FAM210A: variants seen among roughly 807,000 people sequenced by gnomAD.
FAM210A encodes mitochondrial inner membrane scaffold 1.
A neutral mutation model predicts 25.3 loss-of-function variants in FAM210A; 13 were observed. The ratio of observed to expected loss-of-function variants is 0.51; its 90% CI spans 0.33 to 0.82. The LOEUF (loss-of-function observed/expected upper bound fraction) is 0.82. FAM210A is among the 40% of genes least tolerant of loss of function. FAM210A has a pLI of 0.02. For missense variants in FAM210A, 319 were observed against 323.2 expected, an observed-to-expected ratio of 0.99 and a Z score of 0.10; for synonymous variants, 125 against 118.7, an observed-to-expected ratio of 1.05 and a Z score of -0.35.
At chr18:13,706,160 A>G (rs2043776394) in intron 1 of FAM210A, among the ~76,000 whole-genome samples, 2 of 152,142 alleles carry the variant, frequency 1.3e-5, no homozygotes, top group African/African-American at 2.4e-5. Flanking sequence ...TCCCTCCACA[A>G]TCTTGGAACT....
intron 2 of FAM210A, among the ~76,000 whole-genome samples, chr18:13,673,200 G>A (rs539610432): frequency 0.018 from 2,703 of 149,868 alleles, 40 homozygotes; most frequent in African/African-American, 0.057. Flanking sequence ...CCTGAGCCCC[G>A]ACTTCTTTAT....
intron 1 of FAM210A, among the ~76,000 whole-genome samples, chr18:13,687,369 C>A (rs997105849): frequency 6.6e-6 from 1 of 152,086 alleles, no homozygotes; most frequent in Non-Finnish European, 1.5e-5. Flanking sequence ...GCAGCAGGGG[C>A]CAGAGAGAGG....
At chr18:13,677,345 A>G (rs1224596940) in intron 2 of FAM210A, among the ~76,000 whole-genome samples, 1 of 152,120 alleles carries the variant, frequency 6.6e-6, no homozygotes, top group Non-Finnish European at 1.5e-5. Flanking sequence ...AAGTGCTGGG[A>G]TTACAGGCGT....
intron 1 of FAM210A, among the ~76,000 whole-genome samples, chr18:13,689,406 G>A (rs1413244663): frequency 2.0e-5 from 3 of 152,078 alleles, no homozygotes; most frequent in African/African-American, 7.2e-5. Context: ...GAATTGGTGG[G>A]GCAGCAAAAG....
At chr18:13,710,853 T>A (rs1456319256) in intron 1 of FAM210A, among the ~76,000 whole-genome samples, 2 of 152,182 alleles carry the variant, frequency 1.3e-5, no homozygotes, top group African/African-American at 4.8e-5. Context: ...GAGTAATAAC[T>A]CTATCTCCTG....
At chr18:13,700,057 T>A (rs1006003494) in intron 1 of FAM210A, among the ~76,000 whole-genome samples, 5 of 152,206 alleles carry the variant, frequency 3.3e-5, no homozygotes, top group African/African-American at 1.2e-4. Context: ...GGGTACCCTA[T>A]AATTCAATTT....
At chr18:13,720,704 G>A (rs907517389) in intron 1 of FAM210A, among the ~76,000 whole-genome samples, 3 of 150,906 alleles carry the variant, frequency 2.0e-5, no homozygotes, top group African/African-American at 7.3e-5. Context: ...GTCTCTATTT[G>A]TTTGCTACAG....
At chr18:13,693,540 T>C (rs1225700003) in intron 1 of FAM210A, among the ~76,000 whole-genome samples, 1 of 152,170 alleles carries the variant, frequency 6.6e-6, no homozygotes, top group Non-Finnish European at 1.5e-5. Flanking sequence ...AAAAAGCTCA[T>C]CCACCAGGAT....
At chr18:13,680,631 C>T (rs1020394138) in intron 2 of FAM210A, among the ~76,000 whole-genome samples, 1 of 152,186 alleles carries the variant, frequency 6.6e-6, no homozygotes, top group Non-Finnish European at 1.5e-5. Flanking sequence ...ACAACACTAA[C>T]CATATTTTGT....
At chr18:13,682,606 C>T (rs1028682301) in intron 1 of FAM210A, among the ~76,000 whole-genome samples, 2 of 151,932 alleles carry the variant, frequency 1.3e-5, no homozygotes, top group Non-Finnish European at 2.9e-5. Context: ...AGGTGGCCCA[C>T]GCCTGTAATC....
At chr18:13,702,477 A>G (rs1201441740) in intron 1 of FAM210A, among the ~76,000 whole-genome samples, 1 of 152,210 alleles carries the variant, frequency 6.6e-6, no homozygotes, top group African/African-American at 2.4e-5. Context: ...AAACAAAAAA[A>G]CTGTACGAGG....
intron 1 of FAM210A, among the ~76,000 whole-genome samples, chr18:13,723,016 T>C (rs1333925694): frequency 6.6e-6 from 1 of 152,126 alleles, no homozygotes; most frequent in Non-Finnish European, 1.5e-5. Context: ...CCAGTACAGT[T>C]AAAAGCAACC....
chr18:13,697,302 A>G (rs2043702542), intron 1 of FAM210A, among the ~76,000 whole-genome samples: 1 of 152,206 alleles, frequency 6.6e-6, no homozygotes, highest in Non-Finnish European at 1.5e-5. Context: ...TAAGATCTAC[A>G]GATGGCAAAA....
At position 13,686,654 on chromosome 18, in the gene FAM210A, T is replaced by G. The variant is rs1042771560; in HGVS notation, c.-28-4549A>C. ...TTGTTTCAGGTTGACACCCACAAAT[T>G]ATCAAACTTAGATGAAATGGACCAA... On this transcript the variant is annotated intron_variant, in intron 1 of 3. Transcript: ENST00000651643. Among the ~76,000 whole-genome samples, 10 of 152,264 alleles carry G rather than the reference T, an allele frequency of 6.6e-5. No homozygotes were observed. The East Asian group carries it at 1.9e-3, about 29-fold the overall frequency.
At chr18:13,669,721 A>G (rs998941231) in intron 3 of FAM210A, among the ~76,000 whole-genome samples, 1 of 152,140 alleles carries the variant, frequency 6.6e-6, no homozygotes, top group Non-Finnish European at 1.5e-5. Flanking sequence ...GGTATTTTGC[A>G]CTGTCTTCTT....
chr18:13,715,696 G>A (rs1482047816), intron 1 of FAM210A, among the ~76,000 whole-genome samples: 1 of 152,108 alleles, frequency 6.6e-6, no homozygotes, highest in African/African-American at 2.4e-5. Context: ...AAAATAATTT[G>A]TACTTTCTTA....
chr18:13,671,746 A>G, intron 3 of FAM210A, 116 bp downstream of exon 3: 1 of 631,162 alleles, frequency 1.6e-6, no homozygotes, highest in South Asian at 2.3e-5. Context: ...TCAGAGATGA[A>G]ATACAGCGTT....
chr18:13,669,866 A>G (rs771967513), intron 3 of FAM210A, among the ~76,000 whole-genome samples: 7 of 152,200 alleles, frequency 4.6e-5, no homozygotes, highest in African/African-American at 9.7e-5. Context: ...CAGACCATAC[A>G]TGCCATACTT....
At chr18:13,696,578 A>G (rs529483581) in intron 1 of FAM210A, among the ~76,000 whole-genome samples, 7 of 152,244 alleles carry the variant, frequency 4.6e-5, no homozygotes, top group Admixed American at 1.3e-4. Context: ...AAAAATTCCT[A>G]TTGCTTAATG....
Sources: gnomAD v4.1 joint callset for allele counts (sites outside exome capture counted in the v4.1 genomes callset) on GRCh38, gnomAD v4.1.1 for gene constraint, MANE v1.5 for transcripts, NCBI Gene and HGNC (gene_info 2026-07-23, HGNC 2026-07-21) for gene names.